PHIP: variants seen among roughly 807,000 people sequenced by gnomAD.
The protein encoded by PHIP is PHIP subunit of CUL4-Ring ligase complex, also known as PH-interacting protein.
In PHIP, 54 loss-of-function variants were observed where a neutral mutation model predicts 236.8. That is an observed-to-expected ratio of 0.23 (90% CI 0.18 to 0.29). The LOEUF (loss-of-function observed/expected upper bound fraction) is 0.29, where lower values mean the gene tolerates loss of function less well. Ranked by LOEUF, PHIP falls within the 10% of genes least tolerant of loss-of-function variation. The pLI is 1.00. For missense variants in PHIP, 1,370 were observed against 2,190.8 expected (o/e 0.63, Z 7.48); for synonymous variants, 756 against 718.9 (o/e 1.05, Z -0.83).
chr6:78,946,027 T>C lies in PHIP; in HGVS notation c.4604A>G (p.Asn1535Ser), dbSNP rs1365972018. The C allele has an allele frequency of 6.2e-7, 1 of 1,609,606 alleles. No homozygotes were observed. The highest frequency in any genetic ancestry group is 2.2e-5 in the East Asian group (1 of 44,836). The change falls in exon 38 of 40, where the codon AAT becomes AGT. Residue 1535 changes from asparagine (N) to serine (S), a missense_variant. Physicochemically the swap from Asn to Ser is conservative, Grantham distance 46 (BLOSUM62 1). Around this residue, in one of 14 missense-constraint regions of PHIP, gnomAD observed 309 missense variants for 328.3 expected, o/e 0.94. Transcript: ENST00000275034. ...TGTTTTCCCTGGTATTGCAGATGCA[T>C]TAGCTTTTGTAATAAAAGTCTTTGC... ...SAAKTFITKA[N>S]ASAIPGKTIL... is the part of the protein sequence containing the mutation.
intron 24 of PHIP, among the ~76,000 whole-genome samples, chr6:78,976,354 CACCTTAT>C (rs2127712850): frequency 7.2e-6 from 1 of 138,970 alleles, no homozygotes; most frequent in Non-Finnish European, 1.6e-5. Flanking sequence ...CCCTTCCTTA[CACCTTAT>C]ACAAAAATCA....
At chr6:79,047,269 C>A (rs1046194249) in intron 6 of PHIP, among the ~76,000 whole-genome samples, 1 of 152,120 alleles carries the variant, frequency 6.6e-6, no homozygotes, top group East Asian at 1.9e-4. Context: ...GCATATTCAG[C>A]CCTTGGGTTC....
intron 10 of PHIP, 75 bp downstream of exon 10, chr6:79,019,014 T>C (rs1243715865): frequency 7.3e-6 from 7 of 962,632 alleles, no homozygotes; most frequent in Non-Finnish European, 1.2e-5. Context: ...AATATTTTCC[T>C]AAATATTACA....
intron 4 of PHIP, among the ~76,000 whole-genome samples, chr6:79,076,430 C>T (rs1176549395): frequency 6.6e-6 from 1 of 152,180 alleles, no homozygotes. Context: ...TTAACTGCCC[C>T]ACACACATAT....
intron 22 of PHIP, among the ~76,000 whole-genome samples, chr6:78,984,830 T>G (rs999466652): frequency 2.0e-5 from 3 of 152,170 alleles, no homozygotes; most frequent in African/African-American, 4.8e-5. Flanking sequence ...CCAAAGGCTA[T>G]ACTCTCTTTT....
intron 15 of PHIP, among the ~76,000 whole-genome samples, chr6:79,014,171 G>A (rs114541734): frequency 0.037 from 5,577 of 151,586 alleles, 102 homozygotes; most frequent in Middle Eastern, 0.058. Flanking sequence ...GCTTACTCAC[G>A]ACATAGAAAT....
Position 79,049,414 on chromosome 6 carries a change from C to T in PHIP, c.440-6411G>A, listed in dbSNP as rs577431938. 1.8e-4 allele frequency among the ~76,000 whole-genome samples: 28 copies of T among 152,196 alleles called. No individual in the cohort carries two copies. The South Asian group carries it at 4.8e-3, about 26-fold the overall frequency. On this transcript the variant is annotated intron_variant, in intron 6 of 39. Transcript: ENST00000275034. ...TTAAAGAAAACACTTGGAAGGAAAG[C>T]TCCCAGGTTTTCTGTAAATAAAATG...
chr6:79,033,601 T>C, intron 7 of PHIP, among the ~76,000 whole-genome samples: 1 of 152,220 alleles, frequency 6.6e-6, no homozygotes, highest in South Asian at 2.1e-4. Context: ...GAATTAAGAG[T>C]CAGGGTCTTG....
At chr6:79,009,213 C>G (rs1315426817) in intron 15 of PHIP, among the ~76,000 whole-genome samples, 1 of 152,106 alleles carries the variant, frequency 6.6e-6, no homozygotes, top group Non-Finnish European at 1.5e-5. Flanking sequence ...AAGTCACTGA[C>G]AGTTCATCTC....
At chr6:78,977,763 T>A (rs559182929) in intron 24 of PHIP, among the ~76,000 whole-genome samples, 1 of 152,314 alleles carries the variant, frequency 6.6e-6, no homozygotes, top group East Asian at 1.9e-4. Context: ...AATGTGGTAA[T>A]GTTCTGTGCT....
chr6:79,029,363 T>G (rs1348604954), intron 7 of PHIP, among the ~76,000 whole-genome samples: 2 of 152,172 alleles, frequency 1.3e-5, no homozygotes, highest in African/African-American at 4.8e-5. Flanking sequence ...TTATGGAAAT[T>G]TGAAACAAAA....
At position 78,970,797 on chromosome 6, in the gene PHIP, T is replaced by C. The variant is rs1212518163; in HGVS notation, c.2981A>G (p.His994Arg). 6.2e-7 allele frequency: 1 copy of C among 1,606,344 alleles called. No homozygotes were observed. The highest frequency in any genetic ancestry group is 8.5e-7 in the Non-Finnish European group (1 of 1,174,914). The stretch of plus-strand genomic sequence containing the variant: ...ATGTCATACCCGTAGCTCCATTTTA[T>C]GCCATGGTTGTTTTTTGGGATTGAT... ...YSINPKKQPWHKMELREQELM... is the reference protein window; with the variant it reads ...YSINPKKQPWRKMELREQELM... The change falls in exon 25 of 40, where the codon CAT becomes CGT. Residue 994 changes from histidine (H) to arginine (R), a missense_variant. By Grantham distance (29) the His-to-Arg change is conservative. Coordinates refer to ENST00000275034, the MANE Select transcript of PHIP (RefSeq NM_017934.7).
intron 15 of PHIP, among the ~76,000 whole-genome samples, chr6:79,010,345 A>C (rs1051302196): frequency 5.9e-5 from 9 of 151,998 alleles, no homozygotes; most frequent in African/African-American, 2.2e-4. Context: ...GCTCGTTTGG[A>C]ACGTTGCAAG....
chr6:78,981,849 G>A (rs1015295941), intron 23 of PHIP, among the ~76,000 whole-genome samples: 3 of 152,002 alleles, frequency 2.0e-5, no homozygotes, highest in Admixed American at 6.6e-5. Context: ...GTGGGTAAAT[G>A]TGTGGCATTC....
rs141918493 is a variant in PHIP, at chr6:78,971,274, C to A, written c.2890-386G>T. Among the ~76,000 whole-genome samples the A allele has an allele frequency of 5.9e-5, 9 of 152,266 alleles. No individual in the cohort carries two copies. The East Asian group carries it at 1.7e-3, about 29-fold the overall frequency. On this transcript the variant is annotated intron_variant, in intron 24 of 39. Transcript: ENST00000275034. ...AGAAAACATTGAAATGAAAAATGTA[C>A]TTTCACATATATTTTAATCCTTACA... is the stretch of plus-strand genomic sequence containing the variant.
chr6:79,032,614 C>T (rs1294977944), intron 7 of PHIP, among the ~76,000 whole-genome samples: 1 of 152,078 alleles, frequency 6.6e-6, no homozygotes, highest in African/African-American at 2.4e-5. Flanking sequence ...CTTCAGGCTC[C>T]ACTACTAATT....
At chr6:79,017,229 G>T in intron 12 of PHIP, 117 bp downstream of exon 12, 1 of 607,714 alleles carries the variant, frequency 1.6e-6, no homozygotes, top group Non-Finnish European at 2.8e-6. Context: ...AGTATAACTG[G>T]TCAAGATCTT....
chr6:78,980,824 AAGAC>A (rs754364164), intron 23 of PHIP, among the ~76,000 whole-genome samples: 10 of 152,058 alleles, frequency 6.6e-5, no homozygotes, highest in Non-Finnish European at 1.2e-4. Flanking sequence ...AAGGAAAAGA[AAGAC>A]AGAAAAGTTT....
At chr6:78,955,026 T>C (rs890839660) in intron 34 of PHIP, 63 bp from the exon 35 acceptor site, 1 of 1,211,380 alleles carries the variant, frequency 8.3e-7, no homozygotes, top group Non-Finnish European at 1.1e-6. Context: ...TTTGTACTTT[T>C]AATGTAGTCT....
Sources: allele counts gnomAD v4.1 joint callset (sites outside exome capture counted in the v4.1 genomes callset), GRCh38; gene constraint gnomAD v4.1.1; regional missense constraint gnomAD v4.1.1; transcripts MANE v1.5; gene names NCBI Gene and HGNC (gene_info 2026-07-23, HGNC 2026-07-21).